The following PLXNA4 variants were observed in gnomAD, a reference collection of about 807,000 sequenced individuals.
The protein encoded by PLXNA4 is plexin A4, also known as plexin-A4.
A neutral mutation model predicts 191.8 loss-of-function variants in PLXNA4; 44 were observed. The ratio of observed to expected loss-of-function variants is 0.23; its 90% CI spans 0.18 to 0.29. The LOEUF (loss-of-function observed/expected upper bound fraction) is 0.29. Among genes scored for constraint, PLXNA4 ranks in the 10% least tolerant of loss-of-function variants. The pLI is 1.00. For missense variants in PLXNA4, 1,800 were observed against 2,488.8 expected, an observed-to-expected ratio of 0.72 and a Z score of 5.89; for synonymous variants, 1,082 against 1,009.5, an observed-to-expected ratio of 1.07 and a Z score of -1.36.
rs1562894084 is a variant in PLXNA4, at chr7:132,168,427, G to A, written c.4163C>T (p.Ser1388Leu). The A allele has an allele frequency of 6.2e-7, 1 of 1,614,070 alleles. No individual in the cohort carries two copies. Among genetic ancestry groups the A allele is most frequent in the Non-Finnish European group, 8.5e-7 (1 of 1,179,944 alleles). ...FSMRDRGNVA[S>L]LIMTVLQSKL... is the part of the protein sequence containing the mutation. ...GCTCTGCAGCACGGTCATGATGAGT[G>A]AGGCCACGTTGCCACGGTCGCGCAT... The change falls in exon 22 of 32, where the codon TCA (serine) becomes TTA (leucine). Residue 1388 changes from serine (S) to leucine (L), a missense_variant. Around this residue, in one of 6 missense-constraint regions of PLXNA4, gnomAD observed 1,397 missense variants for 1,880.4 expected, o/e 0.74. Coordinates refer to ENST00000321063, the MANE Select transcript of PLXNA4 (RefSeq NM_020911.2).
At chr7:132,575,903 C>T (rs939931984) in intron 1 of PLXNA4, among the ~76,000 whole-genome samples, 1 of 152,144 alleles carries the variant, frequency 6.6e-6, no homozygotes, top group Non-Finnish European at 1.5e-5. Flanking sequence ...GCTGGGCCAC[C>T]ACTCTCTCCA....
At chr7:132,293,967 G>A (rs552195967) in intron 4 of PLXNA4, among the ~76,000 whole-genome samples, 3 of 152,326 alleles carry the variant, frequency 2.0e-5, no homozygotes, top group African/African-American at 7.2e-5. Flanking sequence ...TTTATTAGGT[G>A]TCAGTGCTGT....
At chr7:132,429,424 G>A (rs1186474923) in intron 3 of PLXNA4, among the ~76,000 whole-genome samples, 1 of 152,006 alleles carries the variant, frequency 6.6e-6, no homozygotes, top group Non-Finnish European at 1.5e-5. Flanking sequence ...AAGTTTTATG[G>A]GCCATGCAAT....
At chr7:132,393,700 G>A (rs904708768) in intron 3 of PLXNA4, among the ~76,000 whole-genome samples, 2 of 152,212 alleles carry the variant, frequency 1.3e-5, no homozygotes, top group Admixed American at 1.3e-4. Flanking sequence ...GACATGGCAA[G>A]GGAAGTGGAG....
rs771154749 is a variant in PLXNA4, at chr7:132,211,107, C to T, written c.2134G>A (p.Val712Met). 11 of 1,576,276 alleles carry T rather than the reference C, an allele frequency of 7.0e-6. No individual in the cohort carries two copies. Among genetic ancestry groups the T allele is most frequent in the East Asian group, 2.3e-5 (1 of 42,810 alleles). ...ATAGGCTTGATCACCTCCACGGGCA[C>T]CAGGATCTTGTCCACTCGCAGCAGC... ...PQLLRVDKIL[V>M]PVEVIKPITL... Residue 712 changes from valine (V) to methionine (M), a missense_variant, in exon 10 of 32, where the codon GTG (valine) becomes ATG (methionine). Transcript: ENST00000321063.
At chr7:132,370,165 A>G (rs149894282) in intron 3 of PLXNA4, among the ~76,000 whole-genome samples, 1 of 152,194 alleles carries the variant, frequency 6.6e-6, no homozygotes, top group Non-Finnish European at 1.5e-5. Context: ...AAGAGGCAAG[A>G]GTCAACTTGG....
intron 9 of PLXNA4, among the ~76,000 whole-genome samples, chr7:132,219,846 G>T (rs1798086973): frequency 6.6e-6 from 1 of 152,050 alleles, no homozygotes; most frequent in Non-Finnish European, 1.5e-5. Context: ...ACTTCCCATC[G>T]TGTTATAATT....
intron 3 of PLXNA4, among the ~76,000 whole-genome samples, chr7:132,434,359 C>A (rs1795388220): frequency 6.6e-6 from 1 of 152,180 alleles, no homozygotes; most frequent in African/African-American, 2.4e-5. Flanking sequence ...GGCATCTCTG[C>A]CATGCCTGTC....
intron 2 of PLXNA4, among the ~76,000 whole-genome samples, chr7:132,607,371 G>A (rs532537763): frequency 2.6e-4 from 39 of 152,160 alleles, no homozygotes; most frequent in African/African-American, 7.0e-4. Context: ...CTCCTTTTGC[G>A]TCCCTGAGAG....
intron 3 of PLXNA4, chr7:132,384,371 G>A: frequency 3.0e-6 from 3 of 985,500 alleles, no homozygotes; most frequent in Non-Finnish European, 3.6e-6. Context: ...AATGATAGGA[G>A]CACATGACAC....
At chr7:132,439,242 G>A (rs1246106883) in intron 3 of PLXNA4, among the ~76,000 whole-genome samples, 1 of 152,210 alleles carries the variant, frequency 6.6e-6, no homozygotes, top group Non-Finnish European at 1.5e-5. Context: ...AACCCACCTT[G>A]CTTGGGCTCT....
At chr7:132,488,998 A>G (rs954246744) in intron 3 of PLXNA4, among the ~76,000 whole-genome samples, 1 of 152,194 alleles carries the variant, frequency 6.6e-6, no homozygotes, top group African/African-American at 2.4e-5. Flanking sequence ...CACAAGCCCA[A>G]ATTGAACACA....
At chr7:132,258,337 A>G (rs1490709338) in intron 4 of PLXNA4, among the ~76,000 whole-genome samples, 1 of 152,148 alleles carries the variant, frequency 6.6e-6, no homozygotes, top group African/African-American at 2.4e-5. Flanking sequence ...GCTCCCTATT[A>G]GATTTTCCCT....
intron 1 of PLXNA4, among the ~76,000 whole-genome samples, chr7:132,513,693 G>A (rs1798828003): frequency 1.4e-5 from 1 of 72,646 alleles, no homozygotes; most frequent in African/African-American, 6.1e-5. Flanking sequence ...TTGTTTTTGA[G>A]ATGGAGTCAC....
At chr7:132,574,565 T>C (rs1036588578) in intron 1 of PLXNA4, among the ~76,000 whole-genome samples, 2 of 152,256 alleles carry the variant, frequency 1.3e-5, no homozygotes, top group Non-Finnish European at 2.9e-5. Context: ...ATATTGGGTG[T>C]GTGTGTGCAC....
Position 132,387,355 on chromosome 7 carries a change from G to A in PLXNA4, c.1372-89133C>T, listed in dbSNP as rs1402417652. 2.6e-5 allele frequency among the ~76,000 whole-genome samples: 4 copies of A among 152,212 alleles called. No individual in the cohort carries two copies. In the East Asian group the frequency reaches 7.7e-4, roughly 29 times the overall value. ...GCTTCTGAGCTAATAGATTATAAAT[G>A]TTTTCTTTCCACTCAACCTTCACGA... On this transcript the variant is annotated intron_variant, in intron 3 of 31. Transcript: ENST00000321063.
intron 3 of PLXNA4, among the ~76,000 whole-genome samples, chr7:132,329,958 C>T (rs373653216): frequency 6.6e-6 from 1 of 152,212 alleles, no homozygotes; most frequent in African/African-American, 2.4e-5. Flanking sequence ...CTGAGCACCA[C>T]GTACCCTGTC....
At chr7:132,137,722 G>T (rs1348326820) in intron 30 of PLXNA4, among the ~76,000 whole-genome samples, 1 of 150,364 alleles carries the variant, frequency 6.7e-6, no homozygotes, top group Non-Finnish European at 1.5e-5. Context: ...ATGGTGGGAG[G>T]GAGGACAGGT....
At chr7:132,468,174 A>G (rs1341063664) in intron 3 of PLXNA4, among the ~76,000 whole-genome samples, 1 of 152,200 alleles carries the variant, frequency 6.6e-6, no homozygotes, top group Non-Finnish European at 1.5e-5. Flanking sequence ...AGCCTCAAGT[A>G]ATTACAACAG....
Sources: allele counts gnomAD v4.1 joint callset (sites outside exome capture counted in the v4.1 genomes callset), GRCh38; gene constraint gnomAD v4.1.1; regional missense constraint gnomAD v4.1.1; transcripts MANE v1.5; gene names NCBI Gene and HGNC (gene_info 2026-07-23, HGNC 2026-07-21).